Variants in DLC1 observed in about 807,000 individuals in gnomAD.
DLC1 encodes the protein rho GTPase-activating protein 7.
In DLC1, 54 loss-of-function variants were observed where a neutral mutation model predicts 140.3. The observed-to-expected ratio is 0.38, with a 90% confidence interval of 0.31 to 0.48. The LOEUF is 0.48. Ranked by LOEUF, DLC1 falls within the 20% of genes least tolerant of loss-of-function variation. The pLI is 0.96. For synonymous variants in DLC1, 986 were observed against 728.1 expected, an observed-to-expected ratio of 1.35 and a Z score of -5.70; for missense variants, 2,536 against 1,907.0, an observed-to-expected ratio of 1.33 and a Z score of -6.14.
chr8:13,249,341 G>A (rs56933952), intron 5 of DLC1, among the ~76,000 whole-genome samples: 2 of 151,936 alleles, frequency 1.3e-5, no homozygotes, highest in East Asian at 3.9e-4. Context: ...GCCTCTCAAA[G>A]TGCTGGGATT....
chr8:13,219,680 G>T (rs1438173402), intron 5 of DLC1, among the ~76,000 whole-genome samples: 2 of 151,732 alleles, frequency 1.3e-5, no homozygotes, highest in South Asian at 4.1e-4. Flanking sequence ...TCCAAGAATT[G>T]TATTGAAAAA....
At chr8:13,086,143 C>T (rs1365097759) in intron 17 of DLC1, 147 bp downstream of exon 17, 3 of 1,341,206 alleles carry the variant, frequency 2.2e-6, no homozygotes, top group African/African-American at 3.0e-5. Flanking sequence ...GACCAACAAA[C>T]ATGAAATGCT....
intron 12 of DLC1, among the ~76,000 whole-genome samples, chr8:13,093,159 A>T (rs1011490568): frequency 2.5e-3 from 374 of 148,678 alleles, no homozygotes; most frequent in Non-Finnish European, 4.4e-3. Flanking sequence ...AAAAAAAAAA[A>T]TCCCTAATTT....
At position 13,514,233 on chromosome 8, in the gene DLC1, G is replaced by A. The variant is rs114902967; in HGVS notation, c.-126+369C>T. Among the ~76,000 whole-genome samples the A allele has an allele frequency of 5.2e-3, 793 of 152,090 alleles. 10 individuals carry two copies. Among genetic ancestry groups the A allele is most frequent in the African/African-American group, 0.018 (767 of 41,496 alleles). ...CCTGTTGGCAAAGGAAGGTAGGGGA[G>A]GAATTCATTTACACCTCACACTGAT... On this transcript the variant is annotated intron_variant, in intron 1 of 17. Transcript: ENST00000276297.
intron 5 of DLC1, among the ~76,000 whole-genome samples, chr8:13,261,911 C>A (rs949341361): frequency 1.3e-4 from 20 of 152,134 alleles, no homozygotes; most frequent in African/African-American, 4.8e-4. Flanking sequence ...AGTTATTAAG[C>A]ATTAAATAAT....
In DLC1 at chr8:13,303,774, C is replaced by A. The variant is rs562142870; in HGVS notation, c.1348+1495G>T. ...CCAAGATCACACCACTGTGCTCCAG[C>A]CTGGGCAACAGAGTGAGACTCCATC... On this transcript the variant is annotated intron_variant, in intron 5 of 17. Coordinates refer to ENST00000276297, the MANE Select transcript of DLC1 (RefSeq NM_182643.3). 2.1e-3 allele frequency among the ~76,000 whole-genome samples: 326 copies of A among 152,186 alleles called. 4 individuals are homozygous for A. Among genetic ancestry groups the A allele is most frequent in the Non-Finnish European group, 3.4e-4 (23 of 68,010 alleles).
At chr8:13,149,539 A>T (rs981348140) in intron 5 of DLC1, among the ~76,000 whole-genome samples, 2 of 152,138 alleles carry the variant, frequency 1.3e-5, no homozygotes, top group African/African-American at 4.8e-5. Context: ...TCCTCATCTC[A>T]GTCTATAAAA....
intron 2 of DLC1, among the ~76,000 whole-genome samples, chr8:13,406,770 G>C (rs1837582906): frequency 6.6e-6 from 1 of 152,130 alleles, no homozygotes; most frequent in Admixed American, 6.5e-5. Flanking sequence ...AAGTGCTTCT[G>C]TGTTCTATAT....
intron 4 of DLC1, among the ~76,000 whole-genome samples, chr8:13,378,894 T>C (rs1021475341): frequency 1.3e-5 from 2 of 152,194 alleles, no homozygotes; most frequent in Admixed American, 1.3e-4. Context: ...TAATGGGTTA[T>C]GTTGTTTACT....
intron 2 of DLC1, among the ~76,000 whole-genome samples, chr8:13,480,350 C>T (rs954266196): frequency 2.0e-5 from 3 of 152,086 alleles, no homozygotes; most frequent in African/African-American, 4.8e-5. Flanking sequence ...AGAACATGGA[C>T]ATGGGAAAGA....
In DLC1 at chr8:13,509,784, G is replaced by T. The variant is rs984078232; in HGVS notation, c.-126+4818C>A. Among the ~76,000 whole-genome samples the T allele has an allele frequency of 2.9e-4, 44 of 151,914 alleles. 2 individuals are homozygous for T. Among genetic ancestry groups the T allele is most frequent in the Admixed American group, 1.3e-4 (2 of 15,202 alleles). On this transcript the variant is annotated intron_variant, in intron 1 of 17. Transcript: ENST00000276297. ...TGGGCAGGAATTGTCTCCCATTTTT[G>T]TGAGGATGTCTGTGAAATAACTTTT...
At chr8:13,308,535 T>C (rs1475654701) in intron 4 of DLC1, among the ~76,000 whole-genome samples, 1 of 152,186 alleles carries the variant, frequency 6.6e-6, no homozygotes, top group Non-Finnish European at 1.5e-5. Context: ...TGAATGGCAT[T>C]AGAAACAATT....
intron 4 of DLC1, among the ~76,000 whole-genome samples, chr8:13,387,932 A>T (rs984397254): frequency 6.6e-6 from 1 of 151,986 alleles, no homozygotes; most frequent in African/African-American, 2.4e-5. Context: ...CTTCATGGGG[A>T]TTTGCACAGT....
chr8:13,091,775 T>C (rs545077043), intron 13 of DLC1, among the ~76,000 whole-genome samples: 9 of 151,878 alleles, frequency 5.9e-5, no homozygotes, highest in Admixed American at 1.3e-4. Flanking sequence ...TCCCAGGGAG[T>C]TGGAGTAAAG....
chr8:13,461,770 G>A (rs1196927694), intron 2 of DLC1, among the ~76,000 whole-genome samples: 2 of 152,166 alleles, frequency 1.3e-5, no homozygotes, highest in Non-Finnish European at 2.9e-5. Flanking sequence ...TCACAGCTAA[G>A]TAGTGGCAGA....
intron 1 of DLC1, among the ~76,000 whole-genome samples, chr8:13,505,840 C>T (rs1343860736): frequency 6.6e-6 from 1 of 152,072 alleles, no homozygotes; most frequent in African/African-American, 2.4e-5. Flanking sequence ...CATAGTTTTC[C>T]TAAAATGTTA....
intron 5 of DLC1, among the ~76,000 whole-genome samples, chr8:13,255,968 T>C (rs1830207508): frequency 6.6e-6 from 1 of 152,166 alleles, no homozygotes; most frequent in Non-Finnish European, 1.5e-5. Flanking sequence ...AATGAACAAA[T>C]ATCTAGGCAC....
intron 4 of DLC1, among the ~76,000 whole-genome samples, chr8:13,390,679 A>G (rs143275171): frequency 7.6e-4 from 115 of 152,306 alleles, no homozygotes; most frequent in Middle Eastern, 3.4e-3. Flanking sequence ...CGTTCTGCAC[A>G]TGTATCCTGG....
chr8:13,091,693 G>A (rs556469237), intron 13 of DLC1, among the ~76,000 whole-genome samples: 3 of 152,108 alleles, frequency 2.0e-5, no homozygotes, highest in African/African-American at 4.8e-5. Flanking sequence ...GGTTCCTACT[G>A]GGAACAGGGC....
Sources: gnomAD v4.1 joint callset for allele counts (sites outside exome capture counted in the v4.1 genomes callset) on GRCh38, gnomAD v4.1.1 for gene constraint, MANE v1.5 for transcripts, NCBI Gene and HGNC (gene_info 2026-07-23, HGNC 2026-07-21) for gene names.